RABGAP1L: variants seen among roughly 807,000 people sequenced by gnomAD.
The protein encoded by RABGAP1L is RAB GTPase activating protein 1 like, also known as rab GTPase-activating protein 1-like.
Under a neutral mutation model 137.7 loss-of-function variants are expected in RABGAP1L, and 63 were observed. That is an observed-to-expected ratio of 0.46 (90% CI 0.37 to 0.56). The LOEUF (loss-of-function observed/expected upper bound fraction) is 0.56, where lower values mean the gene tolerates loss of function less well. RABGAP1L is among the 20% of genes least tolerant of loss of function. The probability of loss-of-function intolerance (pLI) is 0.00; values close to 1 mark genes in which losing one functional copy is unlikely to be tolerated. For missense variants in RABGAP1L, 1,095 were observed against 1,244.0 expected (o/e 0.88, Z 1.80); for synonymous variants, 431 against 433.7 (o/e 0.99, Z 0.08).
intron 19 of RABGAP1L, among the ~76,000 whole-genome samples, chr1:174,882,755 G>T (rs992302639): frequency 1.3e-5 from 2 of 151,594 alleles, no homozygotes; most frequent in Non-Finnish European, 2.9e-5. Context: ...AGCAAACTAA[G>T]AAATTACCTA....
intron 1 of RABGAP1L, among the ~76,000 whole-genome samples, chr1:174,176,741 A>AAAAAAAAAAAAAATAAAATAAAAT (rs755688394): frequency 2.7e-5 from 3 of 111,778 alleles, no homozygotes; most frequent in Non-Finnish European, 3.6e-5. Flanking sequence ...AAAAAAAAAA[A>AAAAAAAAAAAAAATAAAATAAAAT]AAAAAGGTCA....
chr1:174,239,025 G>A (rs6698964), intron 4 of RABGAP1L: 4,670 of 154,234 alleles, frequency 0.03, 80 homozygotes, highest in Middle Eastern at 0.056. Flanking sequence ...GGAGTGACCC[G>A]ATTTTCCAGG....
intron 17 of RABGAP1L, among the ~76,000 whole-genome samples, chr1:174,727,460 A>T (rs1682080352): frequency 6.6e-6 from 1 of 152,222 alleles, no homozygotes; most frequent in Non-Finnish European, 1.5e-5. Context: ...CATTGCTGAT[A>T]CTGCCCCCAC....
rs5778801 is a variant in RABGAP1L at position 174,387,546 on chromosome 1, CTT to C, written c.1560-6438_1560-6437del. 5.7e-4 allele frequency among the ~76,000 whole-genome samples: 82 copies of C among 144,902 alleles called. 2 individuals carry two copies. The highest frequency in any genetic ancestry group is 1.7e-3 in the Admixed American group (24 of 14,528). On this transcript the variant is annotated intron_variant, in intron 12 of 25. Coordinates refer to ENST00000681986, the MANE Select transcript of RABGAP1L (RefSeq NM_001366446.1). Reference sequence around the variant, plus strand: ...AAGCTGAGACTCCCATTGGGTTTTTCTTTTTTTTTTTTGGAAGGTAATATTGG... The same window carrying C: ...AAGCTGAGACTCCCATTGGGTTTTTCTTTTTTTTTTGGAAGGTAATATTGG...
intron 1 of RABGAP1L, among the ~76,000 whole-genome samples, chr1:174,183,554 T>A (rs1397613846): frequency 6.6e-6 from 1 of 152,220 alleles, no homozygotes. Flanking sequence ...TTCCCCACTA[T>A]CGACATTCAT....
intron 13 of RABGAP1L, among the ~76,000 whole-genome samples, chr1:174,543,262 A>T (rs1665649891): frequency 6.6e-6 from 1 of 152,208 alleles, no homozygotes; most frequent in African/African-American, 2.4e-5. Context: ...GACTTGCTTT[A>T]TGAATCTGGA....
intron 17 of RABGAP1L, among the ~76,000 whole-genome samples, chr1:174,738,755 A>G (rs537213037): frequency 6.6e-6 from 1 of 152,272 alleles, no homozygotes; most frequent in East Asian, 1.9e-4. Flanking sequence ...GTATTAATGA[A>G]CTTCTATTGT....
At chr1:174,545,000 T>G (rs557409464) in intron 13 of RABGAP1L, 3 of 154,574 alleles carry the variant, frequency 1.9e-5, no homozygotes, top group African/African-American at 7.2e-5. Flanking sequence ...CTGTATGAGG[T>G]GTCGGTTGGC....
At chr1:174,363,818 A>G (rs1684344995) in intron 11 of RABGAP1L, among the ~76,000 whole-genome samples, 1 of 128,410 alleles carries the variant, frequency 7.8e-6, no homozygotes, top group Admixed American at 8.1e-5. Flanking sequence ...TGGTTTTTGT[A>G]CTTCATTCTG....
intron 14 of RABGAP1L, among the ~76,000 whole-genome samples, chr1:174,648,666 T>G (rs1199127172): frequency 6.6e-6 from 1 of 152,116 alleles, no homozygotes; most frequent in Non-Finnish European, 1.5e-5. Flanking sequence ...CTCAGAAAAA[T>G]GTATATTCTG....
At chr1:174,764,489 G>A (rs1685502665) in intron 18 of RABGAP1L, among the ~76,000 whole-genome samples, 1 of 152,198 alleles carries the variant, frequency 6.6e-6, no homozygotes, top group Admixed American at 6.5e-5. Flanking sequence ...TCAACATCTG[G>A]CAGAAATCAG....
intron 4 of RABGAP1L, 36 bp from the exon 5 acceptor site, chr1:174,241,447 T>C (rs1170602237): frequency 1.5e-6 from 2 of 1,376,430 alleles, no homozygotes; most frequent in Non-Finnish European, 1.9e-6. Flanking sequence ...CTTCGAGAAT[T>C]AATATTTTAT....
In RABGAP1L at chr1:174,636,527, CAA is replaced by C. The variant is rs11348226; in HGVS notation, c.1711-833_1711-832del. Among the ~76,000 whole-genome samples, 465 of 135,172 alleles carry C rather than the reference CAA, an allele frequency of 3.4e-3. 4 individuals are homozygous for C. Among genetic ancestry groups the C allele is most frequent in the South Asian group, 7.2e-3 (30 of 4,190 alleles). 88.7% of individuals were successfully genotyped at this position (135,172 alleles called of 152,430 possible). ...CGGGCAACAGTGTGAGACTCTACTT[CAA>C]AAAAAAAAAAAAAAGAGATCATCTT... On this transcript the variant is annotated intron_variant, in intron 13 of 25. Transcript: ENST00000681986.
chr1:174,727,781 T>C (rs1472385586), intron 17 of RABGAP1L, among the ~76,000 whole-genome samples: 2 of 152,244 alleles, frequency 1.3e-5, no homozygotes, highest in African/African-American at 4.8e-5. Flanking sequence ...AACATCACAT[T>C]GTAAGCAATA....
At chr1:174,349,267 C>T (rs552234565) in intron 11 of RABGAP1L, among the ~76,000 whole-genome samples, 38 of 138,158 alleles carry the variant, frequency 2.8e-4, no homozygotes, top group Admixed American at 7.6e-4. Context: ...GGGCGGCTGG[C>T]CGGGCAGAGG....
intron 19 of RABGAP1L, among the ~76,000 whole-genome samples, chr1:174,907,387 A>G (rs574979456): frequency 6.6e-6 from 1 of 152,198 alleles, no homozygotes; most frequent in South Asian, 2.1e-4. Flanking sequence ...ATTATGGTTC[A>G]CTGCAGCCTT....
At chr1:174,849,288 A>G (rs919410721) in intron 19 of RABGAP1L, among the ~76,000 whole-genome samples, 1 of 152,174 alleles carries the variant, frequency 6.6e-6, no homozygotes, top group Non-Finnish European at 1.5e-5. Context: ...TACTTTCACT[A>G]TCACATATGA....
In RABGAP1L at chr1:174,327,985, A is replaced by ATATATATATATG. The variant is rs1391488752; in HGVS notation, c.1465+22858_1465+22859insTATATATATATG. The stretch of plus-strand genomic sequence containing the variant: ...TATATATATATATATATATACACAC[A>ATATATATATATG]CATATATATATATATATATATATAT... On this transcript the variant is annotated intron_variant, in intron 11 of 25. Transcript: ENST00000681986. Among the ~76,000 whole-genome samples, 19 of 10,050 alleles carry ATATATATATATG rather than the reference A, an allele frequency of 1.9e-3. 3 individuals are homozygous for ATATATATATATG. In the African/African-American group the frequency reaches 0.025, roughly 13 times the overall value. 6.6% of individuals were successfully genotyped at this position (10,050 alleles called of 152,430 possible).
At position 174,650,443 on chromosome 1, in the gene RABGAP1L, A is replaced by G. The variant is rs369489169; in HGVS notation, c.1824+12955A>G. Among the ~76,000 whole-genome samples the G allele has an allele frequency of 3.2e-4, 49 of 152,256 alleles. 1 individual carries two copies. Among genetic ancestry groups the G allele is most frequent in the African/African-American group, 6.7e-4 (28 of 41,534 alleles). On this transcript the variant is annotated intron_variant, in intron 14 of 25. Coordinates refer to ENST00000681986, the MANE Select transcript of RABGAP1L (RefSeq NM_001366446.1). ...CCTCCTTGTACCTCTGGTAGAATTC[A>G]GCTGTGAATCCATCTGGTCCTGGAC...
Sources: allele counts gnomAD v4.1 joint callset (sites outside exome capture counted in the v4.1 genomes callset), GRCh38; gene constraint gnomAD v4.1.1; transcripts MANE v1.5; gene names NCBI Gene and HGNC (gene_info 2026-07-23, HGNC 2026-07-21).